RAB26: variants seen among roughly 807,000 people sequenced by gnomAD.
RAB26 encodes RAB26, member RAS oncogene family, also known as ras-related protein Rab-26.
RAB26 carries 39 observed loss-of-function variants against 33.1 expected under a neutral mutation model. The ratio of observed to expected loss-of-function variants is 1.18; its 90% CI spans 0.91 to 1.54. RAB26 has a LOEUF of 1.54. RAB26 is among the 40% of genes most tolerant of loss of function. RAB26 has a pLI of 0.00. For missense variants in RAB26, 468 were observed against 362.9 expected (o/e 1.29, Z -2.35); for synonymous variants, 192 against 151.9 (o/e 1.26, Z -1.94).
At chr16:2,151,459 G>A in intron 2 of RAB26, 110 bp from the exon 3 acceptor site, 2 of 1,505,912 alleles carry the variant, frequency 1.3e-6, no homozygotes, top group Non-Finnish European at 1.8e-6. Context: ...GCAGGGGCTG[G>A]GCTGGACCTG....
intron 1 of RAB26, among the ~76,000 whole-genome samples, chr16:2,149,581 T>C (rs947654886): frequency 2.6e-5 from 4 of 152,006 alleles, no homozygotes; most frequent in African/African-American, 9.7e-5. Context: ...CCTACTGGGA[T>C]GTGGAGAAGC....
intron 2 of RAB26, 30 bp from the exon 3 acceptor site, chr16:2,151,539 G>A (rs1188322724): frequency 6.2e-7 from 1 of 1,613,176 alleles, no homozygotes; most frequent in Non-Finnish European, 8.5e-7. Context: ...CTGGGCCCAT[G>A]CCAGAGCTGC....
intron 2 of RAB26, 103 bp downstream of exon 2, chr16:2,150,154 C>G: frequency 9.4e-7 from 1 of 1,067,438 alleles, no homozygotes; most frequent in Non-Finnish European, 1.3e-6. Context: ...AGGCCTGGAC[C>G]CCAGAAGCTG....
Position 2,153,500 on chromosome 16 carries a change from CT to C in RAB26, c.*82del. 2 of 1,387,992 alleles carry C rather than the reference CT, an allele frequency of 1.4e-6. No individual in the cohort carries two copies. Among genetic ancestry groups the C allele is most frequent in the Non-Finnish European group, 2.0e-6 (2 of 997,628 alleles). 86.0% of individuals were successfully genotyped at this position (1,387,992 alleles called of 1,614,324 possible). ...ACAGAGGGTCTCCAGGCCCTTCTGA[CT>C]TTGTTGCCCAGTGGCCAACGCCCGA... is the stretch of plus-strand genomic sequence containing the variant. On this transcript the variant is annotated 3_prime_UTR_variant, in exon 9 of 9. Coordinates refer to ENST00000210187, the MANE Select transcript of RAB26 (RefSeq NM_014353.5).
rs1042423374 is a variant in RAB26, at chr16:2,153,334, C to A, written c.684C>A (p.Arg228=). Residue 228 remains arginine (R), a synonymous_variant, in exon 9 of 9, where the codon CGC becomes CGA. Transcript: ENST00000210187. ...CACTCCGCAGGGAGTTGAAGCAGCG[C>A]TCCATGAAGGCTCCCAGCGAGCCGC... ...FTAIAKELKQ[R]SMKAPSEPRF... The A allele has an allele frequency of 6.2e-7, 1 of 1,613,524 alleles. No individual in the cohort carries two copies. The highest frequency in any genetic ancestry group is 8.5e-7 in the Non-Finnish European group (1 of 1,180,006).
Position 2,148,799 on chromosome 16 carries a change from AC to A in RAB26, c.21del (p.Lys8ArgfsTer90), listed in dbSNP as rs758460963. On this transcript the variant is annotated frameshift_variant, in exon 1 of 9. Coordinates refer to ENST00000210187, the MANE Select transcript of RAB26 (RefSeq NM_014353.5). LOFTEE classifies it high-confidence loss of function. The part of the protein sequence containing the change: MSRKK[T>X]PKSKGASTPA... ...CCCGCCCGCCATGTCCAGGAAGAAG[AC>A]CCCCAAGAGCAAAGGGGCCAGCACC... The A allele has an allele frequency of 2.2e-6, 3 of 1,369,910 alleles. No individual in the cohort carries two copies. The highest frequency in any genetic ancestry group is 3.7e-5 in the South Asian group (2 of 53,766). 84.9% of individuals were successfully genotyped at this position (1,369,910 alleles called of 1,614,324 possible).
chr16:2,148,939 G>T lies in RAB26; in HGVS notation c.156G>T (p.Ser52=). The T allele has an allele frequency of 7.7e-7, 1 of 1,296,100 alleles. No individual in the cohort carries two copies. Among genetic ancestry groups the T allele is most frequent in the South Asian group, 2.5e-5 (1 of 40,746 alleles). 80.3% of individuals were successfully genotyped at this position (1,296,100 alleles called of 1,614,324 possible). The change falls in exon 1 of 9, where the codon TCG becomes TCT. Residue 52 remains serine (S), a synonymous_variant. Transcript: ENST00000210187. ...PNGPLQPGRP[S]LGGGVDFYDV... ...GGCCCTTGCAGCCCGGCCGGCCCTC[G>T]CTTGGCGGCGGTGTCGACTTCTACG... is the stretch of plus-strand genomic sequence containing the variant.
intron 4 of RAB26, 42 bp downstream of exon 4, chr16:2,151,803 A>G: frequency 6.2e-7 from 1 of 1,613,880 alleles, no homozygotes. Flanking sequence ...CGGGGGTCTG[A>G]GCACCTGAGG....
chr16:2,151,410 G>T, intron 2 of RAB26, 159 bp from the exon 3 acceptor site: 1 of 882,506 alleles, frequency 1.1e-6, no homozygotes, highest in Non-Finnish European at 1.8e-6. Flanking sequence ...GCCTGCACTT[G>T]CAGGTGTGGG....
In RAB26 at chr16:2,151,972, C is replaced by G; in HGVS notation, c.468+64C>G. On this transcript the variant is annotated intron_variant, in intron 5 of 8. Transcript: ENST00000210187. ...GGGCCTGACCCATCCCAACCTCCTT[C>G]TGGTAGATGGCATCAGGGTTCCAAA... The G allele has an allele frequency of 2.5e-6, 4 of 1,590,412 alleles. No homozygotes were observed. The South Asian group carries it at 4.4e-5, about 18-fold the overall frequency.
At chr16:2,152,007 T>A in intron 5 of RAB26, 99 bp downstream of exon 5, 4 of 1,480,072 alleles carry the variant, frequency 2.7e-6, no homozygotes, top group Non-Finnish European at 2.8e-6. Flanking sequence ...AGGACCCCGC[T>A]GAGAGAGGGG....
chr16:2,150,675 T>C (rs1237901134), intron 2 of RAB26, among the ~76,000 whole-genome samples: 2 of 152,160 alleles, frequency 1.3e-5, no homozygotes, highest in Non-Finnish European at 2.9e-5. Context: ...ACGACTGAAG[T>C]GCCCGAGGGG....
In RAB26 at chr16:2,151,888, GCCT is replaced by G; in HGVS notation, c.452_454del (p.Ser151del). 1 of 1,614,160 alleles carries G rather than the reference GCCT, an allele frequency of 6.2e-7. No homozygotes were observed. Among genetic ancestry groups the G allele is most frequent in the Non-Finnish European group, 8.5e-7 (1 of 1,180,040 alleles). ...GCTGCTCTACGATGTCACCAACAAG[GCCT>G]CCTTTGACAACATCCAGGTCAGTGG... On this transcript the variant is annotated inframe_deletion, in exon 5 of 9. Transcript: ENST00000210187.
chr16:2,150,423 G>A (rs2093001027), intron 2 of RAB26, among the ~76,000 whole-genome samples: 2 of 152,200 alleles, frequency 1.3e-5, no homozygotes, highest in African/African-American at 4.8e-5. Flanking sequence ...GGTTTCCAGG[G>A]CTTGCCTAGG....
rs1216911050 is a variant in RAB26, at chr16:2,153,206, T to C, written c.652T>C (p.Phe218Leu). The C allele has an allele frequency of 6.2e-7, 1 of 1,613,752 alleles. No individual in the cohort carries two copies. The highest frequency in any genetic ancestry group is 8.5e-7 in the Non-Finnish European group (1 of 1,179,988). ...AKTGLNVDLA[F>L]TAIAKELKQR... ...GACGGGCCTCAACGTGGACTTGGCC[T>C]TCACAGCCATAGCAAAGTAAGTCCT... Residue 218 changes from phenylalanine to leucine, a missense_variant, in exon 8 of 9, where the codon TTC becomes CTC. Coordinates refer to ENST00000210187, the MANE Select transcript of RAB26 (RefSeq NM_014353.5).
In RAB26 at chr16:2,153,772, C is replaced by T. The variant is rs1156684265; in HGVS notation, c.*351C>T. The T allele has an allele frequency of 2.0e-6, 1 of 494,974 alleles. No individual in the cohort carries two copies. Among genetic ancestry groups the T allele is most frequent in the East Asian group, 5.8e-5 (1 of 17,140 alleles). The allele number at this position is 494,974 out of a possible 1,614,324, so 30.7% of individuals were successfully genotyped here. ...CGCACAGTGCCTAACCCTAGAAAAG[C>T]CATGTCTTCAGCCGCACATGCTCAG... On this transcript the variant is annotated 3_prime_UTR_variant, in exon 9 of 9. Transcript: ENST00000210187.
chr16:2,153,387 GGGAGGGTCGAGGGGCCTCC>G lies in RAB26; in HGVS notation c.738_756del (p.Arg246SerfsTer9), dbSNP rs2093013657. 6.2e-7 allele frequency: 1 copy of G among 1,613,392 alleles called. No individual in the cohort carries two copies. The highest frequency in any genetic ancestry group is 1.3e-5 in the African/African-American group (1 of 74,942). ...TTCCGGCTGCATGATTACGTTAAGA[GGGAGGGTCGAGGGGCCTCC>G]TGCTGCCGCCCTTGAACCTGGCTGA... On this transcript the variant is annotated frameshift_variant, in exon 9 of 9. Coordinates refer to ENST00000210187, the MANE Select transcript of RAB26 (RefSeq NM_014353.5). LOFTEE classifies it high-confidence loss of function.
At position 2,153,183 on chromosome 16, in the gene RAB26, C is replaced by T. The variant is rs760803089; in HGVS notation, c.629C>T (p.Thr210Met). Residue 210 changes from threonine to methionine, a missense_variant, in exon 8 of 9, where the codon ACG (threonine) becomes ATG (methionine). Coordinates refer to ENST00000210187, the MANE Select transcript of RAB26 (RefSeq NM_014353.5). ...GLPFMETSAK[T>M]GLNVDLAFTA... Reference sequence around the variant, plus strand: ...CCCTTCATGGAGACCAGCGCCAAGACGGGCCTCAACGTGGACTTGGCCTTC... The same window carrying T: ...CCCTTCATGGAGACCAGCGCCAAGATGGGCCTCAACGTGGACTTGGCCTTC... The T allele has an allele frequency of 4.3e-6, 7 of 1,613,698 alleles. No individual in the cohort carries two copies. Among genetic ancestry groups the T allele is most frequent in the Admixed American group, 1.7e-5 (1 of 60,016 alleles).
At chr16:2,149,808 C>A (rs1204603943) in intron 1 of RAB26, 133 bp from the exon 2 acceptor site, 2 of 613,594 alleles carry the variant, frequency 3.3e-6, no homozygotes, top group African/African-American at 1.9e-5. Context: ...TCCAGCCCAT[C>A]GGGGTCCCTG....
Sources: gnomAD v4.1 joint callset for allele counts (sites outside exome capture counted in the v4.1 genomes callset) on GRCh38, gnomAD v4.1.1 for gene constraint, MANE v1.5 for transcripts, NCBI Gene and HGNC (gene_info 2026-07-23, HGNC 2026-07-21) for gene names.